The following CFI variants were observed in gnomAD, a reference collection of about 807,000 sequenced individuals.
CFI encodes complement factor I.
Under a neutral mutation model 78.8 loss-of-function variants are expected in CFI, and 66 were observed. The observed-to-expected ratio is 0.84, with a 90% CI of 0.69 to 1.03. The LOEUF is 1.03. Ranked by LOEUF, CFI falls within the 50% of genes least tolerant of loss-of-function variation. The pLI, the probability that CFI is intolerant of heterozygous loss-of-function variation, is 0.00. For synonymous variants in CFI, 250 were observed against 232.6 expected, an observed-to-expected ratio of 1.07 and a Z score of -0.68; for missense variants, 706 against 704.5, an observed-to-expected ratio of 1.00 and a Z score of -0.02.
intron 10 of CFI, among the ~76,000 whole-genome samples, chr4:109,747,073 T>C (rs1724567450): frequency 6.6e-6 from 1 of 152,238 alleles, no homozygotes; most frequent in Non-Finnish European, 1.5e-5. Context: ...TGGTGCCTAC[T>C]ATTATATCTG....
rs750212263 is a variant in CFI at position 109,740,945 on chromosome 4, T to A, written c.1700A>T (p.Asp567Val). Residue 567 changes from aspartate (D) to valine (V), a missense_variant, in exon 13 of 13, where the codon GAC becomes GTC. By Grantham distance (152) the Asp-to-Val change is radical. Coordinates refer to ENST00000394634, the MANE Select transcript of CFI (RefSeq NM_000204.5). ...CCTTCCTACATGGTAGCTAATCCAG[T>A]CAAAATAATTGGCCACTTTGGTGTA... ...GVYTKVANYFDWISYHVGRPF... is the reference protein window; with the variant it reads ...GVYTKVANYFVWISYHVGRPF... 5 of 1,614,146 alleles carry A rather than the reference T, an allele frequency of 3.1e-6. No homozygotes were observed. In the Admixed American group the frequency reaches 8.3e-5, roughly 27 times the overall value.
At chr4:109,731,878 A>G in the CFI span, among the ~76,000 whole-genome samples, 1 of 152,210 alleles carries the variant, frequency 6.6e-6, no homozygotes. Flanking sequence ...TTTAATTTTT[A>G]GACAACACAT....
At chr4:109,766,894 A>C in intron 1 of CFI, 70 bp from the exon 2 acceptor site, 2 of 1,513,628 alleles carry the variant, frequency 1.3e-6, no homozygotes, top group Non-Finnish European at 1.8e-6. Context: ...GAGTAAGTGA[A>C]GGAAAAGAGC....
chr4:109,780,531 G>C (rs1048291105), intron 1 of CFI, among the ~76,000 whole-genome samples: 2 of 152,080 alleles, frequency 1.3e-5, no homozygotes, highest in Non-Finnish European at 2.9e-5. Context: ...AAATAGGAAC[G>C]CTTTTACATT....
At chr4:109,755,337 G>C (rs1285593314) in intron 7 of CFI, among the ~76,000 whole-genome samples, 14 of 152,122 alleles carry the variant, frequency 9.2e-5, no homozygotes, top group Admixed American at 7.9e-4. Context: ...TAACAGCACT[G>C]CCAAAGAACA....
In CFI at chr4:109,746,361, G is replaced by A. The variant is rs751300644; in HGVS notation, c.1290C>T (p.Ile430=). 3.7e-5 allele frequency: 59 copies of A among 1,613,970 alleles called. No individual in the cohort carries two copies. In the South Asian group the frequency reaches 4.0e-4, roughly 11 times the overall value. Residue 430 remains isoleucine, a synonymous_variant, in exon 11 of 13, where the codon ATC becomes ATT. Transcript: ENST00000394634. The part of the protein sequence containing the change: ...NYNAGTYQND[I]ALIEMKKDGN... ...CGTCTTTTTTCATTTCAATCAAAGC[G>A]ATGTCATTTTGGTAAGTGCCTGCAT...
At chr4:109,736,932 C>A (rs781214007), downstream of CFI, among the ~76,000 whole-genome samples, 1 of 152,118 alleles carries the variant, frequency 6.6e-6, no homozygotes, top group Non-Finnish European at 1.5e-5. Flanking sequence ...GTGGCAACAC[C>A]AATCACCTCA....
At chr4:109,731,326 G>A in the CFI span, among the ~76,000 whole-genome samples, 1 of 152,038 alleles carries the variant, frequency 6.6e-6, no homozygotes, top group Non-Finnish European at 1.5e-5. Context: ...CTCCAGCTTG[G>A]GGCACAGAGC....
rs2126214606 is a variant in CFI, at chr4:109,760,588, G to A, written c.707C>T (p.Ser236Phe). The change falls in exon 5 of 13, where the codon TCT becomes TTT. Residue 236 changes from serine to phenylalanine, a missense_variant. Ser to Phe is a radical substitution (Grantham distance 155). Coordinates refer to ENST00000394634, the MANE Select transcript of CFI (RefSeq NM_000204.5). The stretch of plus-strand genomic sequence containing the variant: ...GATACCATCACAGGCTTTCATCTGA[G>A]AAATGTATTTCCCATTCACACACTG... ...FFQCVNGKYI[S>F]QMKACDGIND... is the part of the protein sequence containing the mutation. 6.2e-7 allele frequency: 1 copy of A among 1,611,038 alleles called. No homozygotes were observed. Among genetic ancestry groups the A allele is most frequent in the Non-Finnish European group, 8.5e-7 (1 of 1,177,270 alleles).
chr4:109,753,364 T>C lies in CFI; in HGVS notation c.905-861A>G, dbSNP rs1268445598. On this transcript the variant is annotated intron_variant, in intron 7 of 12. Transcript: ENST00000394634. ...TATATATTTATTATATAATAAATAT[T>C]TATAATATATATTTATTATATAAAT... Among the ~76,000 whole-genome samples, 2 of 53,878 alleles carry C rather than the reference T, an allele frequency of 3.7e-5. 1 individual carries two copies. Among genetic ancestry groups the C allele is most frequent in the African/African-American group, 1.5e-4 (2 of 13,694 alleles). The allele number at this position is 53,878 out of a possible 152,430, so 35.3% of individuals were successfully genotyped here.
chr4:109,780,472 G>A (rs1729863092), intron 1 of CFI, among the ~76,000 whole-genome samples: 1 of 152,150 alleles, frequency 6.6e-6, no homozygotes. Flanking sequence ...AGTTAGAATG[G>A]CGATCATTAA....
chr4:109,800,867 G>C (rs1242083210), intron 1 of CFI, among the ~76,000 whole-genome samples: 1 of 152,106 alleles, frequency 6.6e-6, no homozygotes, highest in Non-Finnish European at 1.5e-5. Flanking sequence ...CAATGGCTAT[G>C]TAATAGTTCA....
intron 11 of CFI, among the ~76,000 whole-genome samples, chr4:109,745,577 T>C (rs1724308865): frequency 6.6e-6 from 1 of 152,236 alleles, no homozygotes. Context: ...CCACATCTTT[T>C]ATTCGTATGA....
At chr4:109,734,449 A>T in the CFI span, among the ~76,000 whole-genome samples, 1 of 152,194 alleles carries the variant, frequency 6.6e-6, no homozygotes, top group Non-Finnish European at 1.5e-5. Flanking sequence ...ACTTCACAAG[A>T]GTCTCATTGA....
chr4:109,749,545 A>G lies in CFI; in HGVS notation c.998T>C (p.Met333Thr), dbSNP rs1179323501. Reference protein sequence around the residue: ...PKLSCGVKNRMHIRRKRIVGG... With the variant: ...PKLSCGVKNRTHIRRKRIVGG... ...CACAATTCGTTTCCTTCGAATGTGCATTCTGTTTTTAACTCCACAAGATAG... is the reference window on the plus strand; with the variant it reads ...CACAATTCGTTTCCTTCGAATGTGCGTTCTGTTTTTAACTCCACAAGATAG... Residue 333 changes from methionine (M) to threonine (T), a missense_variant, in exon 9 of 13, where the codon ATG becomes ACG. Physicochemically the swap from Met to Thr is moderately conservative, Grantham distance 81 (BLOSUM62 -1). Coordinates refer to ENST00000394634, the MANE Select transcript of CFI (RefSeq NM_000204.5). 2 of 1,613,672 alleles carry G rather than the reference A, an allele frequency of 1.2e-6. No individual in the cohort carries two copies. Among genetic ancestry groups the G allele is most frequent in the Admixed American group, 3.3e-5 (2 of 59,992 alleles).
At chr4:109,760,897 A>G (rs1281508858) in intron 4 of CFI, among the ~76,000 whole-genome samples, 1 of 152,210 alleles carries the variant, frequency 6.6e-6, no homozygotes, top group Non-Finnish European at 1.5e-5. Context: ...GGAGGAATCA[A>G]GAGTACGTGC....
intron 7 of CFI, 47 bp from the exon 8 acceptor site, chr4:109,752,550 T>C (rs1397186273): frequency 1.5e-5 from 22 of 1,495,204 alleles, no homozygotes; most frequent in Non-Finnish European, 2.0e-5. Flanking sequence ...TTAATTATAG[T>C]CAAAATGAAA....
At position 109,791,692 on chromosome 4, in the gene CFI, T is replaced by C. The variant is rs532200483; in HGVS notation, c.57+10223A>G. Among the ~76,000 whole-genome samples, 183 of 152,322 alleles carry C rather than the reference T, an allele frequency of 1.2e-3. 2 individuals carry two copies. Among genetic ancestry groups the C allele is most frequent in the Admixed American group, 0.012 (182 of 15,302 alleles). On this transcript the variant is annotated intron_variant, in intron 1 of 12. Coordinates refer to ENST00000394634, the MANE Select transcript of CFI (RefSeq NM_000204.5). ...AGTTATCCCAGCATCATTTATTGAA[T>C]AGGGAGTCCTTTCCCCATTGCTTCT...
intron 1 of CFI, among the ~76,000 whole-genome samples, chr4:109,774,192 C>A (rs1579260945): frequency 6.6e-6 from 1 of 151,994 alleles, no homozygotes; most frequent in African/African-American, 2.4e-5. Context: ...CAAGAGTGAG[C>A]AGGACAAAGT....
Sources: gnomAD v4.1 joint callset for allele counts (sites outside exome capture counted in the v4.1 genomes callset) on GRCh38, gnomAD v4.1.1 for gene constraint, MANE v1.5 for transcripts, NCBI Gene and HGNC (gene_info 2026-07-23, HGNC 2026-07-21) for gene names.